The following PCDH7 variants were observed in gnomAD, a reference collection of about 807,000 sequenced individuals.
The protein encoded by PCDH7 is protocadherin-7.
A neutral mutation model predicts 58.9 loss-of-function variants in PCDH7; 17 were observed. The ratio of observed to expected loss-of-function variants is 0.29; its 90% confidence interval spans 0.20 to 0.43. The LOEUF is 0.43. Ranked by LOEUF, PCDH7 falls within the 20% of genes least tolerant of loss-of-function variation. PCDH7 has a pLI of 1.00. For synonymous variants in PCDH7, 664 were observed against 616.4 expected (o/e 1.08, Z -1.14); for missense variants, 1,274 against 1,441.0 (o/e 0.88, Z 1.88).
At position 30,721,268 on chromosome 4, in the gene PCDH7, C is replaced by T. The variant is rs1577514693; in HGVS notation, c.-155C>T. 1 of 675,720 alleles carries T rather than the reference C, an allele frequency of 1.5e-6. No homozygotes were observed. The highest frequency in any genetic ancestry group is 2.4e-6 in the Non-Finnish European group (1 of 422,632). The allele number at this position is 675,720 out of a possible 1,614,324, so 41.9% of individuals were successfully genotyped here. On this transcript the variant is annotated 5_prime_UTR_variant, in exon 1 of 2. Coordinates refer to ENST00000361762, the Ensembl canonical transcript of PCDH7. The surrounding 1 kb of genome is among the most constrained non-coding windows in gnomAD (Gnocchi z 6.7). Reference sequence around the variant, plus strand: ...CCACCCCCATTCCCGGCCAACTCTCCACGCCGCTTTTGCCCCCTCCCTCCC... The same window carrying T: ...CCACCCCCATTCCCGGCCAACTCTCTACGCCGCTTTTGCCCCCTCCCTCCC...
rs149022140 is a variant in PCDH7, at chr4:30,935,949, C to T, written c.288-14171C>T. Among the ~76,000 whole-genome samples, 12 of 152,146 alleles carry T rather than the reference C, an allele frequency of 7.9e-5. 1 individual carries two copies. The South Asian group carries it at 1.7e-3, about 21-fold the overall frequency. On this transcript the variant is annotated intron_variant, in intron 2 of 3. Coordinates refer to the PCDH7 transcript ENST00000509759. ...TTCATGAAGTAATCTAAAGGCACCA[C>T]GTCATCACAGTGTCAGAGATAAATA...
At chr4:30,822,834 A>T (rs1420171577) in intron 1 of PCDH7, among the ~76,000 whole-genome samples, 1 of 152,192 alleles carries the variant, frequency 6.6e-6, no homozygotes, top group East Asian at 1.9e-4. Context: ...TACTAGTGGT[A>T]ACAGAAACCT....
At chr4:31,062,567 C>T (rs1290911019) in intron 3 of PCDH7, among the ~76,000 whole-genome samples, 1 of 151,692 alleles carries the variant, frequency 6.6e-6, no homozygotes, top group East Asian at 1.9e-4. Flanking sequence ...CTCTCAGTGC[C>T]AAATCAACAA....
chr4:30,768,128 T>A (rs987783725), intron 1 of PCDH7, among the ~76,000 whole-genome samples: 1 of 152,236 alleles, frequency 6.6e-6, no homozygotes, highest in Non-Finnish European at 1.5e-5. Context: ...TCTCACTCTA[T>A]GTAAATGTAT....
intron 1 of PCDH7, among the ~76,000 whole-genome samples, chr4:30,777,493 TATTA>T (rs1235653875): frequency 3.3e-5 from 5 of 152,162 alleles, no homozygotes; most frequent in Non-Finnish European, 7.4e-5. Flanking sequence ...GTCCTATGAA[TATTA>T]TGTAAAGTGC....
intron 1 of PCDH7, among the ~76,000 whole-genome samples, chr4:30,902,929 G>C (rs73812669): frequency 6.6e-6 from 1 of 152,018 alleles, no homozygotes. Flanking sequence ...CTCAAGAAAA[G>C]GATAAATGAA....
chr4:30,961,326 T>A (rs549309628), intron 3 of PCDH7, among the ~76,000 whole-genome samples: 1 of 151,494 alleles, frequency 6.6e-6, no homozygotes, highest in East Asian at 1.9e-4. Context: ...GGGTGGATCA[T>A]GAAGTCAGGA....
chr4:30,991,037 T>C (rs1376928248), intron 3 of PCDH7, among the ~76,000 whole-genome samples: 1 of 152,158 alleles, frequency 6.6e-6, no homozygotes, highest in East Asian at 1.9e-4. Context: ...TAGATGTAAA[T>C]GCTCACTGCT....
Position 30,723,905 on chromosome 4 carries a change from C to G in PCDH7, c.2483C>G (p.Ser828Cys), listed in dbSNP as rs762425864. The G allele has an allele frequency of 6.2e-7, 1 of 1,613,890 alleles. No individual in the cohort carries two copies. The highest frequency in any genetic ancestry group is 1.1e-5 in the South Asian group (1 of 91,068). ...CAAGTGAATGACAGTGGGCAGCCTT[C>G]CCAGTCCACCACGACTCTGGTGCAC... Residue 828 changes from serine to cysteine, a missense_variant, in exon 1 of 2, where the codon TCC (serine) becomes TGC (cysteine). Ser to Cys is a moderately radical substitution (Grantham distance 112, BLOSUM62 -1). This residue lies in a region of PCDH7 where 731 missense variants were observed against 881.9 expected (regional missense o/e 0.83). Transcript: ENST00000361762. This position sits in a 1 kb window ranked among gnomAD's most constrained non-coding sequence, Gnocchi z 4.6.
At chr4:30,944,296 T>G (rs998514903) in intron 2 of PCDH7, among the ~76,000 whole-genome samples, 1 of 152,114 alleles carries the variant, frequency 6.6e-6, no homozygotes, top group Non-Finnish European at 1.5e-5. Context: ...TTCTCACTTT[T>G]TTTAAATATA....
chr4:30,887,168 T>G (rs1737938271), intron 1 of PCDH7, among the ~76,000 whole-genome samples: 1 of 152,176 alleles, frequency 6.6e-6, no homozygotes, highest in Admixed American at 6.5e-5. Flanking sequence ...GACAATCTTG[T>G]TCTTGGCAAA....
intron 3 of PCDH7, among the ~76,000 whole-genome samples, chr4:31,051,079 T>C (rs1756696192): frequency 6.6e-6 from 1 of 152,190 alleles, no homozygotes; most frequent in Non-Finnish European, 1.5e-5. Context: ...GTGATTTTTA[T>C]TGGACCTGCC....
intron 3 of PCDH7, among the ~76,000 whole-genome samples, chr4:31,090,478 C>T (rs887262195): frequency 2.6e-5 from 4 of 151,994 alleles, no homozygotes; most frequent in Non-Finnish European, 5.9e-5. Context: ...ACTATAGTCA[C>T]CCTGTTGTGC....
chr4:31,120,252 A>G (rs1717496581), intron 3 of PCDH7, among the ~76,000 whole-genome samples: 2 of 151,290 alleles, frequency 1.3e-5, no homozygotes, highest in Non-Finnish European at 2.9e-5. Flanking sequence ...TACTTCCCTT[A>G]TACATCTTTC....
chr4:30,727,768 C>G (rs1170087970), intron 1 of PCDH7, among the ~76,000 whole-genome samples: 1 of 151,764 alleles, frequency 6.6e-6, no homozygotes, highest in African/African-American at 2.4e-5. Context: ...ATTTTTAAGT[C>G]TCTGGTATTT....
At chr4:31,013,998 A>G (rs1753415432) in intron 3 of PCDH7, among the ~76,000 whole-genome samples, 1 of 152,210 alleles carries the variant, frequency 6.6e-6, no homozygotes, top group Admixed American at 6.5e-5. Flanking sequence ...GAAATCATAC[A>G]GCAATAAAAA....
At chr4:30,793,684 T>C (rs1724422062) in intron 1 of PCDH7, among the ~76,000 whole-genome samples, 1 of 152,172 alleles carries the variant, frequency 6.6e-6, no homozygotes, top group Admixed American at 6.5e-5. Flanking sequence ...AAAGGCATTT[T>C]GATGGTATGA....
At chr4:30,842,414 C>G (rs1189354707) in intron 1 of PCDH7, among the ~76,000 whole-genome samples, 3 of 152,082 alleles carry the variant, frequency 2.0e-5, no homozygotes, top group African/African-American at 7.2e-5. Context: ...AAGCACTTTT[C>G]ACATTTGAAA....
At chr4:30,861,475 A>G (rs925818527) in intron 1 of PCDH7, among the ~76,000 whole-genome samples, 1 of 152,022 alleles carries the variant, frequency 6.6e-6, no homozygotes, top group Non-Finnish European at 1.5e-5. Context: ...CAAAGAAATG[A>G]CCTCCTTAAT....
Sources: gnomAD v4.1 joint callset for allele counts (sites outside exome capture counted in the v4.1 genomes callset) on GRCh38, gnomAD v4.1.1 for gene constraint, gnomAD v4.1.1 regional missense constraint, Gnocchi (gnomAD v3.1) non-coding constraint, MANE v1.5 for transcripts, NCBI Gene and HGNC (gene_info 2026-07-23, HGNC 2026-07-21) for gene names.